SDK1: variants seen among roughly 807,000 people sequenced by gnomAD.
SDK1 encodes the protein protein sidekick-1.
In SDK1, 157 loss-of-function variants were observed where a neutral mutation model predicts 245.5. The observed-to-expected ratio is 0.64, with a 90% CI of 0.56 to 0.73. The LOEUF (loss-of-function observed/expected upper bound fraction) is 0.73. Among genes scored for constraint, SDK1 ranks in the 30% least tolerant of loss-of-function variants. The pLI is 0.00. For missense variants in SDK1, 3,583 were observed against 3,002.3 expected (o/e 1.19, Z -4.52); for synonymous variants, 1,647 against 1,278.5 (o/e 1.29, Z -6.15).
chr7:4,264,798 T>A (rs2128245601), intron 44 of SDK1, among the ~76,000 whole-genome samples: 1 of 151,998 alleles, frequency 6.6e-6, no homozygotes, highest in South Asian at 2.1e-4. Flanking sequence ...GGAGACCATG[T>A]AGATTGCTCC....
chr7:3,563,467 A>G (rs1779812968), intron 1 of SDK1, among the ~76,000 whole-genome samples: 1 of 152,208 alleles, frequency 6.6e-6, no homozygotes, highest in Non-Finnish European at 1.5e-5. Flanking sequence ...ATTATTAAAG[A>G]TGAAGAGGAA....
chr7:3,961,141 G>A (rs1781649167), intron 8 of SDK1, among the ~76,000 whole-genome samples: 1 of 152,220 alleles, frequency 6.6e-6, no homozygotes, highest in African/African-American at 2.4e-5. Context: ...ACATTGCACT[G>A]CTGTCATATA....
chr7:3,748,070 T>G (rs1261126310), intron 4 of SDK1, among the ~76,000 whole-genome samples: 1 of 152,210 alleles, frequency 6.6e-6, no homozygotes, highest in Non-Finnish European at 1.5e-5. Flanking sequence ...GTATGTATCA[T>G]GATCATTATA....
chr7:3,693,934 T>C (rs539133236), intron 4 of SDK1, among the ~76,000 whole-genome samples: 1 of 152,328 alleles, frequency 6.6e-6, no homozygotes, highest in East Asian at 1.9e-4. Flanking sequence ...GTGTCCATGC[T>C]CTGACACTCA....
chr7:3,647,626 C>T (rs374326457), intron 4 of SDK1, among the ~76,000 whole-genome samples: 1 of 152,016 alleles, frequency 6.6e-6, no homozygotes, highest in African/African-American at 2.4e-5. Context: ...GACTTTGTTT[C>T]ACCATGTTGC....
At chr7:3,868,936 A>G (rs1452476956) in intron 5 of SDK1, among the ~76,000 whole-genome samples, 1 of 152,210 alleles carries the variant, frequency 6.6e-6, no homozygotes, top group African/African-American at 2.4e-5. Flanking sequence ...GTATGAGAAA[A>G]TGTAAATGAC....
chr7:3,492,007 T>G (rs935786690), intron 1 of SDK1, among the ~76,000 whole-genome samples: 8 of 152,244 alleles, frequency 5.3e-5, no homozygotes, highest in African/African-American at 1.9e-4. Context: ...TTACGTTTTC[T>G]TCCAATTTAC....
chr7:3,305,204 G>A (rs1779385875), intron 1 of SDK1, among the ~76,000 whole-genome samples: 1 of 152,204 alleles, frequency 6.6e-6, no homozygotes, highest in South Asian at 2.1e-4. Context: ...GCTGCCTGAG[G>A]TGTACATCGG....
Position 4,205,935 on chromosome 7 carries a change from G to A in SDK1, c.5155G>A (p.Glu1719Lys). 1.3e-6 allele frequency: 2 copies of A among 1,564,330 alleles called. No homozygotes were observed. The highest frequency in any genetic ancestry group is 8.7e-7 in the Non-Finnish European group (1 of 1,153,696). The change falls in exon 36 of 45, where the codon GAG becomes AAG. Residue 1719 changes from glutamate to lysine, a missense_variant. Physicochemically the swap from Glu to Lys is moderately conservative, Grantham distance 56 (BLOSUM62 1). Coordinates refer to ENST00000404826, the MANE Select transcript of SDK1 (RefSeq NM_152744.4). The part of the protein sequence containing the change: ...QVTPLTASQL[E>K]VTWDPPPPES... ...GACCCCACTCACGGCCAGCCAGCTG[G>A]AGGTCACGTGGGACCCACCACCCCC...
chr7:3,469,408 G>A (rs1345855824), intron 1 of SDK1, among the ~76,000 whole-genome samples: 3 of 152,164 alleles, frequency 2.0e-5, no homozygotes, highest in Non-Finnish European at 4.4e-5. Flanking sequence ...TCCAGCCTGG[G>A]TGACAGCAAG....
chr7:3,531,847 C>T (rs750903183), intron 1 of SDK1, among the ~76,000 whole-genome samples: 10 of 152,212 alleles, frequency 6.6e-5, no homozygotes, highest in East Asian at 1.9e-4. Flanking sequence ...GAATACTTTG[C>T]GGTTCAGGTA....
intron 5 of SDK1, among the ~76,000 whole-genome samples, chr7:3,893,281 C>T (rs143592000): frequency 1.3e-5 from 2 of 152,264 alleles, no homozygotes; most frequent in South Asian, 2.1e-4. Context: ...AATATGGGCA[C>T]GGGGGTCATC....
intron 1 of SDK1, among the ~76,000 whole-genome samples, chr7:3,418,495 A>G (rs983472663): frequency 2.0e-5 from 3 of 152,152 alleles, no homozygotes; most frequent in African/African-American, 7.2e-5. Context: ...CCAAAAGTAC[A>G]GTCATTTGCT....
At chr7:4,208,380 G>T in intron 37 of SDK1, 95 bp downstream of exon 37, 1 of 1,177,190 alleles carries the variant, frequency 8.5e-7, no homozygotes. Context: ...TTCCCGGCCC[G>T]CCCAGGCGGA....
chr7:4,106,736 C>T (rs539602096), intron 22 of SDK1, among the ~76,000 whole-genome samples: 42 of 152,246 alleles, frequency 2.8e-4, no homozygotes, highest in African/African-American at 9.1e-4. Context: ...CAACGCGGCG[C>T]GTGCCTTTCT....
chr7:3,733,507 G>T (rs1012690516), intron 4 of SDK1, among the ~76,000 whole-genome samples: 1 of 152,150 alleles, frequency 6.6e-6, no homozygotes, highest in Non-Finnish European at 1.5e-5. Flanking sequence ...CTGCTCTGGA[G>T]GTCCGAGTGC....
At chr7:3,337,373 A>C (rs1780229829) in intron 1 of SDK1, among the ~76,000 whole-genome samples, 2 of 152,274 alleles carry the variant, frequency 1.3e-5, no homozygotes, top group Admixed American at 1.3e-4. Flanking sequence ...TAGACTGGAA[A>C]AAAAAAGTCT....
chr7:4,006,110 C>T (rs925518845), intron 14 of SDK1, among the ~76,000 whole-genome samples: 2 of 152,194 alleles, frequency 1.3e-5, no homozygotes, highest in Non-Finnish European at 1.5e-5. Flanking sequence ...AAACATGTTC[C>T]TCCTTCAGAC....
chr7:3,945,187 G>C (rs1780525795), intron 5 of SDK1, among the ~76,000 whole-genome samples: 1 of 152,134 alleles, frequency 6.6e-6, no homozygotes, highest in Non-Finnish European at 1.5e-5. Context: ...AGATTAAAAA[G>C]GTAGATGAAC....
Sources: gnomAD v4.1 joint callset for allele counts (sites outside exome capture counted in the v4.1 genomes callset) on GRCh38, gnomAD v4.1.1 for gene constraint, MANE v1.5 for transcripts, NCBI Gene and HGNC (gene_info 2026-07-23, HGNC 2026-07-21) for gene names.